SOX17: variants seen among roughly 807,000 people sequenced by gnomAD.
SOX17 encodes SRY-box transcription factor 17.
SOX17 carries 4 observed loss-of-function variants against 16.0 expected under a neutral mutation model. That is an observed-to-expected ratio of 0.25 (90% CI 0.12 to 0.57). The LOEUF (loss-of-function observed/expected upper bound fraction) is 0.57. Ranked by LOEUF, SOX17 falls within the 20% of genes least tolerant of loss-of-function variation. The pLI is 0.92. For synonymous variants in SOX17, 357 were observed against 284.6 expected, an observed-to-expected ratio of 1.25 and a Z score of -2.56; for missense variants, 633 against 609.7, an observed-to-expected ratio of 1.04 and a Z score of -0.40.
At position 54,458,134 on chromosome 8, in the gene SOX17, G is replaced by A. The variant is rs200132728; in HGVS notation, c.-5G>A. On this transcript the variant is annotated 5_prime_UTR_variant, in exon 1 of 2. Transcript: ENST00000297316. ...TTGAGGGGAGCGGGGCAGGCCTGGA[G>A]CGCCATGAGCAGCCCGGATGCGGGA... 48 of 1,541,382 alleles carry A rather than the reference G, an allele frequency of 3.1e-5. No individual in the cohort carries two copies. In the East Asian group the frequency reaches 1.1e-3, roughly 36 times the overall value.
chr8:54,458,792 T>C (rs1006579680), intron 1 of SOX17, among the ~76,000 whole-genome samples: 5 of 152,136 alleles, frequency 3.3e-5, no homozygotes, highest in Admixed American at 6.5e-5. Context: ...CCTAGTTAGG[T>C]GTCCTTTTCT....
rs1420142778 is a variant in SOX17, at chr8:54,459,821, G to C, written c.1071G>C (p.Glu357Asp). The C allele has an allele frequency of 1.2e-6, 2 of 1,612,892 alleles. No individual in the cohort carries two copies. The highest frequency in any genetic ancestry group is 2.7e-5 in the African/African-American group (2 of 74,946). ...DPSQPAELLGEVDRTEFEQYL... is the reference protein window; with the variant it reads ...DPSQPAELLGDVDRTEFEQYL... ...GTCAGCCCGCCGAGCTCCTCGGGGAGGTGGACCGCACGGAATTTGAACAGT... is the reference window on the plus strand; with the variant it reads ...GTCAGCCCGCCGAGCTCCTCGGGGACGTGGACCGCACGGAATTTGAACAGT... Residue 357 changes from glutamate to aspartate, a missense_variant, in exon 2 of 2, where the codon GAG becomes GAC. This residue lies in a region of SOX17 where 479 missense variants were observed against 397.2 expected (regional missense o/e 1.21). Transcript: ENST00000297316.
Position 54,459,373 on chromosome 8 carries a change from G to A in SOX17, c.623G>A (p.Ser208Asn), listed in dbSNP as rs1212075803. The A allele has an allele frequency of 3.5e-5, 54 of 1,559,316 alleles. No individual in the cohort carries two copies. The highest frequency in any genetic ancestry group is 4.5e-5 in the Non-Finnish European group (52 of 1,163,722). The stretch of plus-strand genomic sequence containing the variant: ...GGCGGCCACTACCGCGACTGCCAGA[G>A]TCTGGGCGCGCCTCCGCTCGACGGC... ...HMGGHYRDCQ[S>N]LGAPPLDGYP... is the part of the protein sequence containing the mutation. Residue 208 changes from serine (S) to asparagine (N), a missense_variant, in exon 2 of 2, where the codon AGT (serine) becomes AAT (asparagine). By Grantham distance (46) the Ser-to-Asn change is conservative. Around this residue, in one of 5 missense-constraint regions of SOX17, gnomAD observed 479 missense variants for 397.2 expected, o/e 1.21. Transcript: ENST00000297316.
At chr8:54,458,546 A>C in intron 1 of SOX17, 101 bp downstream of exon 1, 1 of 1,425,668 alleles carries the variant, frequency 7.0e-7, no homozygotes, top group Non-Finnish European at 9.6e-7. Flanking sequence ...TGACGCCCAA[A>C]ACCAGGGGTG....
rs929689090 is a variant in SOX17 at position 54,459,299 on chromosome 8, C to T, written c.549C>T (p.Phe183=). Residue 183 remains phenylalanine, a synonymous_variant, in exon 2 of 2, where the codon TTC becomes TTT. Coordinates refer to ENST00000297316, the MANE Select transcript of SOX17 (RefSeq NM_022454.4). ...CCATGGACGGCCTGGGCCTCCAGTT[C>T]CCCGAGCAGGGCTTCCCCGCCGGCC... ...RVAMDGLGLQ[F]PEQGFPAGPP... 7.7e-5 allele frequency: 117 copies of T among 1,515,348 alleles called. No individual in the cohort carries two copies. Among genetic ancestry groups the T allele is most frequent in the Non-Finnish European group, 9.8e-5 (111 of 1,138,296 alleles). 93.9% of individuals were successfully genotyped at this position (1,515,348 alleles called of 1,614,324 possible). A position where few individuals can be genotyped will look rare whatever the true frequency, so the allele number is the denominator to read the frequency against.
rs1020665995 is a variant in SOX17, at chr8:54,458,032, C to T, written c.-107C>T. The stretch of plus-strand genomic sequence containing the variant: ...GCGGCTTCGGGCCGGGAGACCCGCG[C>T]AGCCCTCGGGGCATCTCAGTGCCTC... On this transcript the variant is annotated 5_prime_UTR_variant, in exon 1 of 2. Coordinates refer to ENST00000297316, the MANE Select transcript of SOX17 (RefSeq NM_022454.4). The T allele has an allele frequency of 1.5e-6, 2 of 1,295,414 alleles. No homozygotes were observed. Among genetic ancestry groups the T allele is most frequent in the African/African-American group, 1.6e-5 (1 of 63,788 alleles). The allele number at this position is 1,295,414 out of a possible 1,614,324, so 80.2% of individuals were successfully genotyped here.
In SOX17 at chr8:54,460,026, CAGA is replaced by C; in HGVS notation, c.*34_*36del. On this transcript the variant is annotated 3_prime_UTR_variant, in exon 2 of 2. Coordinates refer to ENST00000297316, the MANE Select transcript of SOX17 (RefSeq NM_022454.4). ...CCCTGATCCGCCCCAGCCTGCAGGC[CAGA>C]AGCAGTGTTACACACTTCCTGGAGG... 1 of 1,609,572 alleles carries C rather than the reference CAGA, an allele frequency of 6.2e-7. No homozygotes were observed. Among genetic ancestry groups the C allele is most frequent in the Non-Finnish European group, 8.5e-7 (1 of 1,176,610 alleles).
rs374699346 is a variant in SOX17, at chr8:54,459,416, C to T, written c.666C>T (p.Pro222=). Residue 222 remains proline (P), a synonymous_variant, in exon 2 of 2, where the codon CCC becomes CCT. Coordinates refer to ENST00000297316, the MANE Select transcript of SOX17 (RefSeq NM_022454.4). The part of the protein sequence containing the change: ...PPLDGYPLPT[P]DTSPLDGVDP... ...TCGACGGCTACCCGTTGCCCACGCC[C>T]GACACGTCCCCGCTGGACGGCGTGG... The T allele has an allele frequency of 2.1e-5, 33 of 1,540,918 alleles. No individual in the cohort carries two copies. In the African/African-American group the frequency reaches 3.8e-4, roughly 18 times the overall value.
Position 54,459,175 on chromosome 8 carries a change from G to T in SOX17, c.425G>T (p.Arg142Leu). 1 of 1,603,536 alleles carries T rather than the reference G, an allele frequency of 6.2e-7. No individual in the cohort carries two copies. The highest frequency in any genetic ancestry group is 8.5e-7 in the Non-Finnish European group (1 of 1,176,222). Residue 142 changes from arginine (R) to leucine (L), a missense_variant, in exon 2 of 2, where the codon CGC becomes CTC. Physicochemically the swap from Arg to Leu is moderately radical, Grantham distance 102. This residue lies in a region of SOX17 where 5 missense variants were observed against 16.8 expected (regional missense o/e 0.30). Transcript: ENST00000297316. ...HPNYKYRPRR[R>L]KQVKRLKRVE... ...AACTACAAGTACCGGCCGCGGCGGC[G>T]CAAGCAGGTGAAGCGGCTGAAGCGG...
chr8:54,459,761 G>A lies in SOX17; in HGVS notation c.1011G>A (p.Pro337=), dbSNP rs1341945949. ...GCCCCGGACAGCCGTCGCCCCCTCC[G>A]GAGGCACTGCCCTGCCGGGACGGCA... ...PPGPGQPSPP[P]EALPCRDGTD... Residue 337 remains proline, a synonymous_variant, in exon 2 of 2, where the codon CCG becomes CCA. Coordinates refer to ENST00000297316, the MANE Select transcript of SOX17 (RefSeq NM_022454.4). 3.2e-6 allele frequency: 5 copies of A among 1,585,880 alleles called. No homozygotes were observed. Among genetic ancestry groups the A allele is most frequent in the Non-Finnish European group, 4.3e-6 (5 of 1,167,848 alleles).
At position 54,459,282 on chromosome 8, in the gene SOX17, G is replaced by C. The variant is rs267607082; in HGVS notation, c.532G>C (p.Gly178Arg). ...CGAGGGCGGCCGCGTGGCCATGGAC[G>C]GCCTGGGCCTCCAGTTCCCCGAGCA... ...GPEGGRVAMD[G>R]LGLQFPEQGF... The change falls in exon 2 of 2, where the codon GGC becomes CGC. Residue 178 changes from glycine to arginine, a missense_variant. Around this residue, in one of 5 missense-constraint regions of SOX17, gnomAD observed 479 missense variants for 397.2 expected, o/e 1.21. Coordinates refer to ENST00000297316, the MANE Select transcript of SOX17 (RefSeq NM_022454.4). 5 of 1,508,598 alleles carry C rather than the reference G, an allele frequency of 3.3e-6. No homozygotes were observed. Among genetic ancestry groups the C allele is most frequent in the Non-Finnish European group, 4.4e-6 (5 of 1,134,236 alleles). The allele number at this position is 1,508,598 out of a possible 1,614,324, so 93.5% of individuals were successfully genotyped here.
At position 54,460,215 on chromosome 8, in the gene SOX17, T is replaced by C; in HGVS notation, c.*220T>C. 1.7e-6 allele frequency: 1 copy of C among 605,938 alleles called. No homozygotes were observed. 37.5% of individuals were successfully genotyped at this position (605,938 alleles called of 1,614,324 possible). On this transcript the variant is annotated 3_prime_UTR_variant, in exon 2 of 2. Transcript: ENST00000297316. ...AATTTGTTCAGAGATTTGTTTCCCA[T>C]AGTTGGATTGTCAAAACCCTATTTC...
chr8:54,458,592 C>A, intron 1 of SOX17, 147 bp downstream of exon 1: 1 of 995,912 alleles, frequency 1.0e-6, no homozygotes, highest in Non-Finnish European at 1.5e-6. Context: ...GCTCTGGGTT[C>A]CCTTCCCGCT....
chr8:54,458,570 T>C, intron 1 of SOX17, 125 bp downstream of exon 1: 2 of 1,205,474 alleles, frequency 1.7e-6, no homozygotes, highest in Non-Finnish European at 2.3e-6. Context: ...AGCGGCCACG[T>C]CCTTTCTTAA....
Position 54,459,757 on chromosome 8 carries a change from C to T in SOX17, c.1007C>T (p.Pro336Leu). The change falls in exon 2 of 2, where the codon CCT becomes CTT. Residue 336 changes from proline to leucine, a missense_variant. By Grantham distance (98) the Pro-to-Leu change is moderately conservative. Coordinates refer to ENST00000297316, the MANE Select transcript of SOX17 (RefSeq NM_022454.4). ...CCGGGCCCCGGACAGCCGTCGCCCC[C>T]TCCGGAGGCACTGCCCTGCCGGGAC... The part of the protein sequence containing the change: ...HPPGPGQPSP[P>L]PEALPCRDGT... 6.3e-7 allele frequency: 1 copy of T among 1,582,180 alleles called. No individual in the cohort carries two copies. The highest frequency in any genetic ancestry group is 8.6e-7 in the Non-Finnish European group (1 of 1,166,092).
chr8:54,459,783 G>C lies in SOX17; in HGVS notation c.1033G>C (p.Gly345Arg). ...TCCGGAGGCACTGCCCTGCCGGGAC[G>C]GCACGGACCCCAGTCAGCCCGCCGA... ...PPPEALPCRD[G>R]TDPSQPAELL... Residue 345 changes from glycine to arginine, a missense_variant, in exon 2 of 2, where the codon GGC (glycine) becomes CGC (arginine). Around this residue, in one of 5 missense-constraint regions of SOX17, gnomAD observed 479 missense variants for 397.2 expected, o/e 1.21. Transcript: ENST00000297316. The C allele has an allele frequency of 3.1e-6, 5 of 1,602,522 alleles. No homozygotes were observed. The highest frequency in any genetic ancestry group is 3.4e-6 in the Non-Finnish European group (4 of 1,175,542).
chr8:54,459,464 C>T lies in SOX17; in HGVS notation c.714C>T (p.Ala238=). The T allele has an allele frequency of 6.6e-7, 1 of 1,522,656 alleles. No homozygotes were observed. Among genetic ancestry groups the T allele is most frequent in the Non-Finnish European group, 8.8e-7 (1 of 1,141,860 alleles). The allele number at this position is 1,522,656 out of a possible 1,614,324, so 94.3% of individuals were successfully genotyped here. The change falls in exon 2 of 2, where the codon GCC becomes GCT. Residue 238 remains alanine (A), a synonymous_variant. Transcript: ENST00000297316. ...TGGACCCCGACCCGGCTTTCTTCGC[C>T]GCCCCGATGCCCGGGGACTGCCCGG... The part of the protein sequence containing the change: ...DGVDPDPAFF[A]APMPGDCPAA...
At position 54,460,383 on chromosome 8, in the gene SOX17, T is replaced by C. The variant is rs1281665771; in HGVS notation, c.*388T>C. The C allele has an allele frequency of 5.3e-6, 2 of 375,290 alleles. No homozygotes were observed. Among genetic ancestry groups the C allele is most frequent in the Non-Finnish European group, 9.8e-6 (2 of 204,454 alleles). The allele number at this position is 375,290 out of a possible 1,614,324, so 23.2% of individuals were successfully genotyped here. A position where few individuals can be genotyped will look rare whatever the true frequency, so the allele number is the denominator to read the frequency against. On this transcript the variant is annotated 3_prime_UTR_variant, in exon 2 of 2. Coordinates refer to ENST00000297316, the MANE Select transcript of SOX17 (RefSeq NM_022454.4). ...AATCTGGAATCCTGCTTTTTTGCTC[T>C]ACTAGTACCTCTGTCACACTAGTCT... is the stretch of plus-strand genomic sequence containing the variant.
rs2129278359 is a variant in SOX17 at position 54,459,888 on chromosome 8, C to T, written c.1138C>T (p.Gln380Ter). 6.2e-7 allele frequency: 1 copy of T among 1,613,928 alleles called. No individual in the cohort carries two copies. The highest frequency in any genetic ancestry group is 8.5e-7 in the Non-Finnish European group (1 of 1,180,042). Residue 380 changes from glutamine (Q) to a stop codon, truncating the protein, a stop_gained, in exon 2 of 2, where the codon CAG becomes TAG. Transcript: ENST00000297316. LOFTEE classifies it high-confidence loss of function. The part of the protein sequence containing the change: ...VCKPEMGLPY[Q>*]GHDSGVNLPD... Reference sequence around the variant, plus strand: ...CAAGCCTGAGATGGGCCTCCCCTACCAGGGGCATGACTCCGGTGTGAATCT... The same window carrying T: ...CAAGCCTGAGATGGGCCTCCCCTACTAGGGGCATGACTCCGGTGTGAATCT...
Sources: gnomAD v4.1 joint callset for allele counts (sites outside exome capture counted in the v4.1 genomes callset) on GRCh38, gnomAD v4.1.1 for gene constraint, gnomAD v4.1.1 regional missense constraint, MANE v1.5 for transcripts, NCBI Gene and HGNC (gene_info 2026-07-23, HGNC 2026-07-21) for gene names.